SIAH3: variants seen among roughly 807,000 people sequenced by gnomAD.
SIAH3 encodes the protein siah E3 ubiquitin protein ligase family member 3.
Under a neutral mutation model 12.6 loss-of-function variants are expected in SIAH3, and 9 were observed. The observed-to-expected ratio is 0.72, with a 90% CI of 0.43 to 1.25. The LOEUF (loss-of-function observed/expected upper bound fraction) is 1.25. SIAH3 is among the 50% of genes most tolerant of loss of function. The probability of loss-of-function intolerance (pLI) is 0.00; values close to 1 mark genes in which losing one functional copy is unlikely to be tolerated. For synonymous variants in SIAH3, 154 were observed against 151.1 expected, an observed-to-expected ratio of 1.02 and a Z score of -0.14; for missense variants, 390 against 365.4, an observed-to-expected ratio of 1.07 and a Z score of -0.55.
chr13:45,820,617 A>G (rs1185811154), intron 1 of SIAH3, among the ~76,000 whole-genome samples: 1 of 152,194 alleles, frequency 6.6e-6, no homozygotes, highest in Non-Finnish European at 1.5e-5. Context: ...ACTATTGAAC[A>G]GCAGCATTCC....
intron 1 of SIAH3, among the ~76,000 whole-genome samples, chr13:45,796,275 C>T (rs1337163246): frequency 6.8e-6 from 1 of 147,842 alleles, no homozygotes; most frequent in Non-Finnish European, 1.5e-5. Flanking sequence ...GAGAGAGAGA[C>T]AGAGAACGGA....
At position 45,783,479 on chromosome 13, in the gene SIAH3, G is replaced by A; in HGVS notation, c.714C>T (p.Asn238=). The change falls in exon 2 of 2, where the codon AAC becomes AAT. Residue 238 remains asparagine (N), a synonymous_variant. Transcript: ENST00000400405. Reference sequence around the variant, plus strand: ...CAGAGAAGAGCTGTGCCAGCGAGGTGTTGAGGACGAGGCAGTCCCCGTCCG... The same window carrying A: ...CAGAGAAGAGCTGTGCCAGCGAGGTATTGAGGACGAGGCAGTCCCCGTCCG... ...VITDGDCLVL[N]TSLAQLFSDN... The A allele has an allele frequency of 6.2e-7, 1 of 1,614,162 alleles. No homozygotes were observed. The highest frequency in any genetic ancestry group is 8.5e-7 in the Non-Finnish European group (1 of 1,180,040).
rs1950490612 is a variant in SIAH3, at chr13:45,778,083, T to G, written c.*5300A>C. 6.6e-6 allele frequency: 1 copy of G among 152,220 alleles called. No homozygotes were observed. The highest frequency in any genetic ancestry group is 6.5e-5 in the Admixed American group (1 of 15,282). 9.4% of individuals were successfully genotyped at this position (152,220 alleles called of 1,614,324 possible). On this transcript the variant is annotated 3_prime_UTR_variant, in exon 2 of 2. Coordinates refer to ENST00000400405, the MANE Select transcript of SIAH3 (RefSeq NM_198849.3). ...GAAAGTAAGGCCCGGGGCCCTGTTC[T>G]TCATGTGACATTCCTTGGCTCATTA...
At position 45,843,935 on chromosome 13, in the gene SIAH3, C is replaced by A. The variant is rs754960062; in HGVS notation, c.135+7560G>T. Among the ~76,000 whole-genome samples, 7 of 152,254 alleles carry A rather than the reference C, an allele frequency of 4.6e-5. No homozygotes were observed. The South Asian group carries it at 1.5e-3, about 32-fold the overall frequency. On this transcript the variant is annotated intron_variant, in intron 1 of 1. Coordinates refer to ENST00000400405, the MANE Select transcript of SIAH3 (RefSeq NM_198849.3). ...TTGAATTCCCCAAAGATCAAAATTC[C>A]TAAAGTCTAAAACCCTGAAAATCTC...
chr13:45,845,410 A>G (rs376830611), intron 1 of SIAH3, among the ~76,000 whole-genome samples: 14 of 152,216 alleles, frequency 9.2e-5, no homozygotes, highest in African/African-American at 3.1e-4. Context: ...TGAGCTGTCC[A>G]TCAAAAGATT....
At chr13:45,807,955 T>C (rs1239430228) in intron 1 of SIAH3, among the ~76,000 whole-genome samples, 1 of 152,252 alleles carries the variant, frequency 6.6e-6, no homozygotes, top group East Asian at 1.9e-4. Flanking sequence ...ACTTCCTAAA[T>C]ATTTTATTAT....
At chr13:45,840,668 G>A (rs1395488282) in intron 1 of SIAH3, among the ~76,000 whole-genome samples, 4 of 152,100 alleles carry the variant, frequency 2.6e-5, no homozygotes, top group African/African-American at 4.8e-5. Context: ...TGCCCACCCC[G>A]AGCCGGAGCA....
chr13:45,796,410 A>C (rs1950562856), intron 1 of SIAH3, among the ~76,000 whole-genome samples: 1 of 152,096 alleles, frequency 6.6e-6, no homozygotes, highest in South Asian at 2.1e-4. Flanking sequence ...GCCTGTCTGT[A>C]GGTCTGGTTG....
At chr13:45,839,109 G>T (rs1466199202) in intron 1 of SIAH3, among the ~76,000 whole-genome samples, 1 of 152,118 alleles carries the variant, frequency 6.6e-6, no homozygotes, top group Non-Finnish European at 1.5e-5. Context: ...GGCCGCTAAT[G>T]AGAAAGGAAA....
At chr13:45,784,396 C>CTTTTTTTTTTT (rs1555256292) in intron 1 of SIAH3, among the ~76,000 whole-genome samples, 5 of 102,038 alleles carry the variant, frequency 4.9e-5, no homozygotes, top group Admixed American at 1.9e-4. Flanking sequence ...ACAAAGACAG[C>CTTTTTTTTTTT]TGTTTTTTTT....
At chr13:45,814,238 C>CAAAAAA (rs56377017) in intron 1 of SIAH3, among the ~76,000 whole-genome samples, 9 of 72,698 alleles carry the variant, frequency 1.2e-4, no homozygotes, top group African/African-American at 5.0e-4. Context: ...GACTCTGTCT[C>CAAAAAA]AAAAAAAAAA....
At chr13:45,834,697 T>A (rs374477803) in intron 1 of SIAH3, among the ~76,000 whole-genome samples, 4 of 152,078 alleles carry the variant, frequency 2.6e-5, no homozygotes, top group Non-Finnish European at 4.4e-5. Flanking sequence ...ACCGACCTAC[T>A]GTGGGCCAGA....
rs1950514857 is a variant in SIAH3 at position 45,783,777 on chromosome 13, G to A, written c.416C>T (p.Ala139Val). Reference sequence around the variant, plus strand: ...GTCCGTGGCCAGGAAGACGATCTCGGCTCCCTGGAGGATGTCAACCCTATG... The same window carrying A: ...GTCCGTGGCCAGGAAGACGATCTCGACTCCCTGGAGGATGTCAACCCTATG... ...QIHRVDILQG[A>V]EIVFLATDMH... The change falls in exon 2 of 2, where the codon GCC becomes GTC. Residue 139 changes from alanine to valine, a missense_variant. Physicochemically the swap from Ala to Val is moderately conservative, Grantham distance 64. Coordinates refer to ENST00000400405, the MANE Select transcript of SIAH3 (RefSeq NM_198849.3). 6.2e-7 allele frequency: 1 copy of A among 1,614,100 alleles called. No individual in the cohort carries two copies. The highest frequency in any genetic ancestry group is 2.2e-5 in the East Asian group (1 of 44,894).
intron 1 of SIAH3, among the ~76,000 whole-genome samples, chr13:45,834,594 T>C (rs1950711552): frequency 6.6e-6 from 1 of 152,158 alleles, no homozygotes; most frequent in Admixed American, 6.5e-5. Context: ...ATCCCGGTCC[T>C]CTTGGAGGCT....
chr13:45,833,364 T>C (rs1950706403), intron 1 of SIAH3, among the ~76,000 whole-genome samples: 3 of 152,124 alleles, frequency 2.0e-5, no homozygotes, highest in Admixed American at 6.5e-5. Flanking sequence ...CTCAGGCTAT[T>C]GTGTAGCTGG....
chr13:45,799,429 A>C (rs185282219), intron 1 of SIAH3, among the ~76,000 whole-genome samples: 70 of 152,330 alleles, frequency 4.6e-4, no homozygotes, highest in Non-Finnish European at 8.2e-4. Context: ...ATATGGATGC[A>C]AATCATGGAA....
At chr13:45,811,051 G>T (rs780553340) in intron 1 of SIAH3, among the ~76,000 whole-genome samples, 1 of 152,172 alleles carries the variant, frequency 6.6e-6, no homozygotes, top group African/African-American at 2.4e-5. Context: ...GCTGAGTCCT[G>T]GTTCAGCTGT....
At chr13:45,791,934 T>C (rs148668169) in intron 1 of SIAH3, among the ~76,000 whole-genome samples, 3 of 152,232 alleles carry the variant, frequency 2.0e-5, no homozygotes, top group African/African-American at 7.2e-5. Context: ...CATTTTCTGT[T>C]AACAATCACC....
intron 1 of SIAH3, among the ~76,000 whole-genome samples, chr13:45,843,077 A>C (rs992255226): frequency 2.5e-5 from 2 of 80,298 alleles, no homozygotes; most frequent in African/African-American, 3.7e-5. Context: ...CTCAGGTTGG[A>C]GTGTAGGCAA....
Sources: allele counts gnomAD v4.1 joint callset (sites outside exome capture counted in the v4.1 genomes callset), GRCh38; gene constraint gnomAD v4.1.1; transcripts MANE v1.5; gene names NCBI Gene and HGNC (gene_info 2026-07-23, HGNC 2026-07-21).